The following PELI2 variants were observed in gnomAD, a reference collection of about 807,000 sequenced individuals.
PELI2 encodes E3 ubiquitin-protein ligase pellino homolog 2.
A neutral mutation model predicts 42.3 loss-of-function variants in PELI2; 23 were observed. The ratio of observed to expected loss-of-function variants is 0.54; its 90% CI spans 0.39 to 0.77. The LOEUF (loss-of-function observed/expected upper bound fraction) is 0.77. Ranked by LOEUF, PELI2 falls within the 30% of genes least tolerant of loss-of-function variation. The probability of loss-of-function intolerance (pLI) is 0.00; values close to 1 mark genes in which losing one functional copy is unlikely to be tolerated. For missense variants in PELI2, 463 were observed against 553.2 expected (o/e 0.84, Z 1.64); for synonymous variants, 245 against 212.2 (o/e 1.15, Z -1.34).
intron 1 of PELI2, among the ~76,000 whole-genome samples, chr14:56,148,256 C>A (rs927051171): frequency 4.6e-5 from 7 of 152,224 alleles, no homozygotes; most frequent in African/African-American, 1.7e-4. Flanking sequence ...TATTCCTTTT[C>A]ATCTTTTCTC....
intron 2 of PELI2, among the ~76,000 whole-genome samples, chr14:56,274,776 A>G (rs1447067550): frequency 6.6e-6 from 1 of 152,216 alleles, no homozygotes; most frequent in Non-Finnish European, 1.5e-5. Context: ...TCCTCAGCTG[A>G]GAAGAAAATA....
chr14:56,295,787 A>G (rs1889980783), intron 5 of PELI2, among the ~76,000 whole-genome samples: 1 of 152,190 alleles, frequency 6.6e-6, no homozygotes, highest in Non-Finnish European at 1.5e-5. Context: ...GGCTGCTATA[A>G]ATTTGTGGCC....
chr14:56,163,671 G>T (rs760982035), intron 1 of PELI2, among the ~76,000 whole-genome samples: 2 of 151,986 alleles, frequency 1.3e-5, no homozygotes, highest in Non-Finnish European at 1.5e-5. Context: ...GGGTAGTATG[G>T]ACATTTGAAT....
chr14:56,179,112 G>A (rs1308616174), intron 2 of PELI2, among the ~76,000 whole-genome samples: 3 of 151,934 alleles, frequency 2.0e-5, no homozygotes, highest in South Asian at 2.1e-4. Flanking sequence ...TCTATAAGTC[G>A]AGGAAAAAAT....
chr14:56,164,920 C>G (rs773564634), intron 1 of PELI2, among the ~76,000 whole-genome samples: 1 of 148,834 alleles, frequency 6.7e-6, no homozygotes, highest in Non-Finnish European at 1.5e-5. Context: ...TTATTTGGGT[C>G]TTGTCTCTTT....
chr14:56,231,084 A>G (rs1364928622), intron 2 of PELI2, among the ~76,000 whole-genome samples: 2 of 152,210 alleles, frequency 1.3e-5, no homozygotes, highest in African/African-American at 4.8e-5. Flanking sequence ...CACCCAATAT[A>G]AGAGCACCCA....
intron 2 of PELI2, among the ~76,000 whole-genome samples, chr14:56,181,172 T>C (rs77337875): frequency 0.021 from 3,171 of 152,146 alleles, 101 homozygotes; most frequent in African/African-American, 0.071. Context: ...CTTCCTTATC[T>C]CTTATCAAGA....
intron 2 of PELI2, among the ~76,000 whole-genome samples, chr14:56,269,219 T>G (rs1383418053): frequency 6.6e-6 from 1 of 152,068 alleles, no homozygotes; most frequent in Non-Finnish European, 1.5e-5. Context: ...GGCAGACAGA[T>G]CGCTTGAGCC....
chr14:56,243,342 G>A (rs548375928), intron 2 of PELI2, among the ~76,000 whole-genome samples: 2 of 152,276 alleles, frequency 1.3e-5, no homozygotes, highest in Middle Eastern at 3.4e-3. Context: ...TTGGGATGAC[G>A]TTATTGCAGT....
chr14:56,132,707 T>G (rs1303704412), intron 1 of PELI2, among the ~76,000 whole-genome samples: 2 of 152,182 alleles, frequency 1.3e-5, no homozygotes, highest in African/African-American at 2.4e-5. Flanking sequence ...TCAGCTCAGT[T>G]TAAGTGACTG....
chr14:56,180,563 T>C lies in PELI2; in HGVS notation c.207+2099T>C, dbSNP rs1478470499. On this transcript the variant is annotated intron_variant, in intron 2 of 5. Transcript: ENST00000267460. This position sits in a 1 kb window ranked among gnomAD's most constrained non-coding sequence, Gnocchi z 4.4. ...ATAGGTCTCCCCTGGGTCACCGAAC[T>C]ATGACCAAGGGAGATGGGCAAACTA... is the stretch of plus-strand genomic sequence containing the variant. 6.6e-6 allele frequency among the ~76,000 whole-genome samples: 1 copy of C among 152,212 alleles called. No individual in the cohort carries two copies.
intron 2 of PELI2, among the ~76,000 whole-genome samples, chr14:56,206,190 T>C (rs1317412296): frequency 6.6e-6 from 1 of 152,220 alleles, no homozygotes; most frequent in Non-Finnish European, 1.5e-5. Flanking sequence ...ATCTTCTGAT[T>C]ACAGGGTGGT....
Position 56,178,457 on chromosome 14 carries a change from C to T in PELI2, c.200C>T (p.Ala67Val). The T allele has an allele frequency of 6.2e-7, 1 of 1,614,172 alleles. No homozygotes were observed. The highest frequency in any genetic ancestry group is 1.6e-4 in the Middle Eastern group (1 of 6,062). ...GTCCATGTGATATCCACGCCCCAGG[C>T]ATCCAAGGTAGGTGGGTCTGTCAAG... Reference protein sequence around the residue: ...STVHVISTPQASKAISCKGQH... With the variant: ...STVHVISTPQVSKAISCKGQH... The change falls in exon 2 of 6, where the codon GCA (alanine) becomes GTA (valine). Residue 67 changes from alanine to valine, a missense_variant. Transcript: ENST00000267460.
chr14:56,223,324 G>C (rs530005659), intron 2 of PELI2, among the ~76,000 whole-genome samples: 1 of 152,150 alleles, frequency 6.6e-6, no homozygotes, highest in Admixed American at 6.5e-5. Context: ...TGCTCTCTGG[G>C]AGAAGGACTT....
intron 1 of PELI2, among the ~76,000 whole-genome samples, chr14:56,148,363 T>C (rs1884211199): frequency 6.6e-6 from 1 of 152,162 alleles, no homozygotes; most frequent in African/African-American, 2.4e-5. Context: ...TGTATGCGCA[T>C]GTGTGTGTTG....
At chr14:56,185,112 T>C (rs150007250) in intron 2 of PELI2, among the ~76,000 whole-genome samples, 8 of 152,264 alleles carry the variant, frequency 5.3e-5, no homozygotes, top group South Asian at 2.1e-4. Context: ...TGAATAACTT[T>C]AATAAGTATA....
chr14:56,154,546 A>G (rs1884479039), intron 1 of PELI2, among the ~76,000 whole-genome samples: 1 of 152,206 alleles, frequency 6.6e-6, no homozygotes, highest in Non-Finnish European at 1.5e-5. Context: ...TTCAGCAACG[A>G]TCGTTAGTTT....
At chr14:56,238,104 A>C (rs1275377848) in intron 2 of PELI2, among the ~76,000 whole-genome samples, 1 of 141,326 alleles carries the variant, frequency 7.1e-6, no homozygotes, top group Non-Finnish European at 1.6e-5. Context: ...AGAATCTGAA[A>C]ATCTCCTAAG....
chr14:56,129,378 G>T (rs146954663), intron 1 of PELI2, among the ~76,000 whole-genome samples: 1 of 152,260 alleles, frequency 6.6e-6, no homozygotes, highest in East Asian at 1.9e-4. Context: ...GTGAGATAAC[G>T]TGATCCATTT....
Sources: allele counts gnomAD v4.1 joint callset (sites outside exome capture counted in the v4.1 genomes callset), GRCh38; gene constraint gnomAD v4.1.1; non-coding constraint Gnocchi (gnomAD v3.1); transcripts MANE v1.5; gene names NCBI Gene and HGNC (gene_info 2026-07-23, HGNC 2026-07-21).